The following NXNL2 variants were observed in gnomAD, a reference collection of about 807,000 sequenced individuals.
NXNL2 encodes nucleoredoxin-like protein 2.
A neutral mutation model predicts 11.1 loss-of-function variants in NXNL2; 7 were observed. That is an observed-to-expected ratio of 0.63 (90% CI 0.36 to 1.18). The LOEUF (loss-of-function observed/expected upper bound fraction) is 1.18, where lower values mean the gene tolerates loss of function less well. Ranked by LOEUF, NXNL2 falls within the 50% of genes most tolerant of loss-of-function variation. The pLI is 0.02. For missense variants in NXNL2, 233 were observed against 217.7 expected, an observed-to-expected ratio of 1.07 and a Z score of -0.44; for synonymous variants, 109 against 101.8, an observed-to-expected ratio of 1.07 and a Z score of -0.42.
chr9:88,552,941 C>T (rs182572961), intron 1 of NXNL2, among the ~76,000 whole-genome samples: 180 of 152,216 alleles, frequency 1.2e-3, no homozygotes, highest in African/African-American at 3.4e-3. Flanking sequence ...AAATTGCCCA[C>T]GACTAAGACC....
intron 1 of NXNL2, among the ~76,000 whole-genome samples, chr9:88,557,088 A>G (rs1322509236): frequency 2.7e-5 from 4 of 149,158 alleles, no homozygotes; most frequent in Non-Finnish European, 5.9e-5. Flanking sequence ...CTCAAAAAAA[A>G]AAAAAAAAAA....
chr9:88,577,669 C>G (rs369082719), downstream of NXNL2, among the ~76,000 whole-genome samples: 254 of 152,060 alleles, frequency 1.7e-3, 2 homozygotes, highest in African/African-American at 5.7e-3. Context: ...AGCGCAGCAC[C>G]GTGCATCTGT....
chr9:88,535,314 GA>G lies in NXNL2; in HGVS notation c.-120del, dbSNP rs1587837006. On this transcript the variant is annotated 5_prime_UTR_variant, in exon 1 of 2. Coordinates refer to ENST00000375854, the MANE Select transcript of NXNL2 (RefSeq NM_001161625.2). The stretch of plus-strand genomic sequence containing the variant: ...TGGGCGCATCTGGGGCAGGTCTTGA[GA>G]GGTCCAGCGCCCGGTGGTGCGGACA... 3.9e-6 allele frequency: 4 copies of G among 1,016,314 alleles called. No individual in the cohort carries two copies. The highest frequency in any genetic ancestry group is 5.6e-6 in the Non-Finnish European group (4 of 718,328). The allele number at this position is 1,016,314 out of a possible 1,614,324, so 63.0% of individuals were successfully genotyped here.
chr9:88,557,658 C>T lies in NXNL2; in HGVS notation c.303-13429C>T, dbSNP rs137878368. 1.1e-3 allele frequency among the ~76,000 whole-genome samples: 174 copies of T among 152,256 alleles called. 1 individual carries two copies. Among genetic ancestry groups the T allele is most frequent in the African/African-American group, 3.5e-3 (145 of 41,528 alleles). ...CAACTGACCTTTGTCCAAAAATGAGCGCTGACTGGCAACCTTGGTTTACAA... is the reference window on the plus strand; with the variant it reads ...CAACTGACCTTTGTCCAAAAATGAGTGCTGACTGGCAACCTTGGTTTACAA... On this transcript the variant is annotated intron_variant, in intron 1 of 2. Transcript: ENST00000375855.
chr9:88,545,061 T>A (rs548429630), downstream of NXNL2: 1 of 182,508 alleles, frequency 5.5e-6, no homozygotes, highest in East Asian at 1.9e-4. Context: ...TGCTTAAATA[T>A]GTCTTATTTG....
rs71507764 is a variant in NXNL2, at chr9:88,540,935, A to ATTTTTTTTTTTTT, written c.303-3429_303-3417dup. 2.2e-5 allele frequency among the ~76,000 whole-genome samples: 2 copies of ATTTTTTTTTTTTT among 91,080 alleles called. 1 individual carries two copies. Among genetic ancestry groups the ATTTTTTTTTTTTT allele is most frequent in the African/African-American group, 9.9e-5 (2 of 20,196 alleles). 59.8% of individuals were successfully genotyped at this position (91,080 alleles called of 152,430 possible). A position where few individuals can be genotyped will look rare whatever the true frequency, so the allele number is the denominator to read the frequency against. On this transcript the variant is annotated intron_variant, in intron 1 of 1. Coordinates refer to ENST00000375854, the MANE Select transcript of NXNL2 (RefSeq NM_001161625.2). ...CTTTTTCCTTGCTCAATCTCAGTAG[A>ATTTTTTTTTTTTT]TTTTTTTTTTTTTTTTTTTTTTTTT...
downstream of NXNL2, among the ~76,000 whole-genome samples, chr9:88,547,072 A>C (rs1383721911): frequency 1.3e-5 from 2 of 152,248 alleles, no homozygotes; most frequent in Non-Finnish European, 2.9e-5. Context: ...AGGGGTTGAA[A>C]GACATGCAGC....
intron 1 of NXNL2, among the ~76,000 whole-genome samples, chr9:88,542,258 A>C (rs923483835): frequency 2.0e-5 from 3 of 151,654 alleles, no homozygotes; most frequent in African/African-American, 7.3e-5. Flanking sequence ...AAAAAACAAA[A>C]AACAAACGAA....
downstream of NXNL2, among the ~76,000 whole-genome samples, chr9:88,548,628 AG>A (rs1829884837): frequency 7.0e-6 from 1 of 143,098 alleles, no homozygotes; most frequent in South Asian, 2.3e-4. Context: ...GCTTGCAGTG[AG>A]CCGAGATGGC....
chr9:88,583,985 G>A (rs1251759742), intron 1 of NXNL2: 1 of 152,206 alleles, frequency 6.6e-6, no homozygotes, highest in Non-Finnish European at 1.5e-5. Context: ...TCAGTCAATG[G>A]TATTTTGTTT....
Position 88,582,611 on chromosome 9 carries a change from TCTTC to T in NXNL2, n.552-1373_552-1370del, listed in dbSNP as rs546216874. ...ACAATCCTTCCTTCCTTCCTTCCTT[TCTTC>T]CTTCCTTCCTTCCTCCCTCCTCCCC... is the stretch of plus-strand genomic sequence containing the variant. On this transcript the variant is annotated intron_variant and non_coding_transcript_variant, in intron 1 of 1. Coordinates refer to the NXNL2 transcript ENST00000478686. 5.3e-5 allele frequency among the ~76,000 whole-genome samples: 8 copies of T among 151,496 alleles called. No homozygotes were observed. In the South Asian group the frequency reaches 6.4e-4, roughly 12 times the overall value.
chr9:88,571,835 C>T (rs1296170360), intron 2 of NXNL2, among the ~76,000 whole-genome samples: 1 of 152,130 alleles, frequency 6.6e-6, no homozygotes, highest in Non-Finnish European at 1.5e-5. Flanking sequence ...AGAATTGTGC[C>T]TTGCCCATTT....
At chr9:88,581,875 G>A (rs570438337) in intron 1 of NXNL2, among the ~76,000 whole-genome samples, 1 of 152,356 alleles carries the variant, frequency 6.6e-6, no homozygotes, top group South Asian at 2.1e-4. Flanking sequence ...TTTCTCTACA[G>A]TTGAGAAGGT....
downstream of NXNL2, among the ~76,000 whole-genome samples, chr9:88,577,499 C>T (rs930923039): frequency 1.3e-5 from 2 of 152,086 alleles, no homozygotes; most frequent in Admixed American, 6.6e-5. Flanking sequence ...CATTCATTCT[C>T]TCACTGTTCT....
At chr9:88,558,342 C>A (rs776540583) in intron 1 of NXNL2, among the ~76,000 whole-genome samples, 2 of 152,058 alleles carry the variant, frequency 1.3e-5, no homozygotes, top group Admixed American at 1.3e-4. Context: ...GTGGTGTTCC[C>A]GGAGAGGGCA....
At chr9:88,562,279 G>T (rs530650113) in intron 1 of NXNL2, among the ~76,000 whole-genome samples, 2 of 152,086 alleles carry the variant, frequency 1.3e-5, no homozygotes, top group Non-Finnish European at 2.9e-5. Context: ...TTGGTGGAGG[G>T]GTGGTTAGAA....
chr9:88,547,635 T>A (rs1261182173), downstream of NXNL2, among the ~76,000 whole-genome samples: 1 of 152,232 alleles, frequency 6.6e-6, no homozygotes, highest in Non-Finnish European at 1.5e-5. Flanking sequence ...AAAGAGCCTC[T>A]GTTTTAGTCA....
chr9:88,546,303 G>C (rs1829845405), downstream of NXNL2, among the ~76,000 whole-genome samples: 1 of 152,098 alleles, frequency 6.6e-6, no homozygotes. Flanking sequence ...ACTAGAGGGA[G>C]AGGCAGGGTC....
chr9:88,551,078 T>A (rs1244368145), intron 1 of NXNL2, among the ~76,000 whole-genome samples: 3 of 152,132 alleles, frequency 2.0e-5, no homozygotes, highest in African/African-American at 7.2e-5. Flanking sequence ...TCAAGCGTGG[T>A]CTATTCTCTC....
Sources: allele counts gnomAD v4.1 joint callset (sites outside exome capture counted in the v4.1 genomes callset), GRCh38; gene constraint gnomAD v4.1.1; transcripts MANE v1.5; gene names NCBI Gene and HGNC (gene_info 2026-07-23, HGNC 2026-07-21).